TBC1D15: variants seen among roughly 807,000 people sequenced by gnomAD.
The protein encoded by TBC1D15 is GAP for RAB7.
Under a neutral mutation model 95.4 loss-of-function variants are expected in TBC1D15, and 39 were observed. The observed-to-expected ratio is 0.41, with a 90% CI of 0.32 to 0.53. The LOEUF is 0.53. Ranked by LOEUF, TBC1D15 falls within the 20% of genes least tolerant of loss-of-function variation. TBC1D15 has a pLI of 0.29. For missense variants in TBC1D15, 733 were observed against 794.3 expected (o/e 0.92, Z 0.93); for synonymous variants, 258 against 261.3 (o/e 0.99, Z 0.12).
At chr12:71,867,512 A>C (rs1422386706) in intron 1 of TBC1D15, among the ~76,000 whole-genome samples, 2 of 152,206 alleles carry the variant, frequency 1.3e-5, no homozygotes, top group Non-Finnish European at 2.9e-5. Flanking sequence ...TACTTTGGAA[A>C]CAAGGTGCTA....
intron 1 of TBC1D15, among the ~76,000 whole-genome samples, chr12:71,866,343 G>T (rs1891503198): frequency 1.3e-5 from 2 of 152,230 alleles, no homozygotes; most frequent in Admixed American, 1.3e-4. Flanking sequence ...TTAGACTCGA[G>T]GCAGCTCCCT....
At chr12:71,875,728 T>A (rs1893667253) in intron 3 of TBC1D15, among the ~76,000 whole-genome samples, 1 of 152,076 alleles carries the variant, frequency 6.6e-6, no homozygotes, top group Non-Finnish European at 1.5e-5. Flanking sequence ...TCTAATTCTG[T>A]TATGTTTTTG....
intron 1 of TBC1D15, chr12:71,849,695 C>T: frequency 1.8e-6 from 1 of 553,260 alleles, no homozygotes; most frequent in South Asian, 1.7e-5. Context: ...CATGGTCAGT[C>T]CCAGTACTGC....
rs1025770060 is a variant in TBC1D15, at chr12:71,921,362, T to A, written c.1717-6T>A. 6.5e-7 allele frequency: 1 copy of A among 1,534,544 alleles called. No homozygotes were observed. The highest frequency in any genetic ancestry group is 8.9e-7 in the Non-Finnish European group (1 of 1,128,686). On this transcript the variant is annotated splice_polypyrimidine_tract_variant and splice_region_variant and intron_variant, in intron 15 of 16. Coordinates refer to ENST00000485960, the MANE Select transcript of TBC1D15 (RefSeq NM_001146213.3). ...GATATCATTTTATTTTGTTGATACT[T>A]TTTAGCATATCAATGAATTGTCCAT...
chr12:71,865,177 G>A (rs558128778), intron 1 of TBC1D15, among the ~76,000 whole-genome samples: 24 of 152,282 alleles, frequency 1.6e-4, no homozygotes, highest in Admixed American at 8.5e-4. Context: ...AACCTATTTT[G>A]TCATCTGGGT....
intron 3 of TBC1D15, 76 bp downstream of exon 3, chr12:71,873,079 A>G (rs375545364): frequency 1.0e-6 from 1 of 993,116 alleles, no homozygotes. Context: ...TAATTCACAT[A>G]CCATAAAATG....
At chr12:71,899,754 G>A (rs780274291) in intron 10 of TBC1D15, among the ~76,000 whole-genome samples, 1 of 152,090 alleles carries the variant, frequency 6.6e-6, no homozygotes, top group Non-Finnish European at 1.5e-5. Flanking sequence ...AGACCAGTTA[G>A]TGGAAAGCAT....
intron 14 of TBC1D15, 70 bp from the exon 15 acceptor site, chr12:71,920,661 G>A: frequency 1.7e-6 from 2 of 1,191,016 alleles, no homozygotes; most frequent in Non-Finnish European, 2.5e-6. Context: ...TCAGTGTTCA[G>A]AATTGTATCT....
At chr12:71,873,131 T>C (rs1248341956) in intron 3 of TBC1D15, 128 bp downstream of exon 3, 1 of 616,140 alleles carries the variant, frequency 1.6e-6, no homozygotes, top group Non-Finnish European at 2.7e-6. Context: ...TTAGCATATT[T>C]ACAGAGTTGT....
At chr12:71,862,190 C>T (rs1890530602) in intron 1 of TBC1D15, among the ~76,000 whole-genome samples, 1 of 151,986 alleles carries the variant, frequency 6.6e-6, no homozygotes, top group South Asian at 2.1e-4. Flanking sequence ...CTGTTAGATT[C>T]ATTTGGTCTA....
chr12:71,858,024 A>AT (rs1889494361), intron 1 of TBC1D15, among the ~76,000 whole-genome samples: 1 of 151,550 alleles, frequency 6.6e-6, no homozygotes, highest in Non-Finnish European at 1.5e-5. Context: ...GATTTTTTTC[A>AT]TTTTTATGGC....
In TBC1D15 at chr12:71,923,091, A is replaced by G. The variant is rs758689458; in HGVS notation, c.1912A>G (p.Thr638Ala). Residue 638 changes from threonine to alanine, a missense_variant, in exon 17 of 17, where the codon ACA becomes GCA. Transcript: ENST00000485960. ...AAATGTTGTCATGACTCCTTGTCCT[A>G]CATCTGCATTTCAAAGTAATGCCTT... ...DENVVMTPCP[T>A]SAFQSNALPT... The G allele has an allele frequency of 3.7e-6, 6 of 1,614,092 alleles. No homozygotes were observed. The highest frequency in any genetic ancestry group is 2.7e-5 in the African/African-American group (2 of 74,934).
At chr12:71,843,934 T>G (rs1885685594) in intron 1 of TBC1D15, among the ~76,000 whole-genome samples, 1 of 152,214 alleles carries the variant, frequency 6.6e-6, no homozygotes, top group Non-Finnish European at 1.5e-5. Context: ...TTGTGCATTT[T>G]TTTTAGTTCC....
intron 12 of TBC1D15, among the ~76,000 whole-genome samples, chr12:71,915,962 G>T (rs1448511848): frequency 6.6e-6 from 1 of 152,086 alleles, no homozygotes; most frequent in Non-Finnish European, 1.5e-5. Context: ...CTTCATGTAA[G>T]TTTGTACTAC....
At chr12:71,897,183 A>G (rs1898360497) in intron 9 of TBC1D15, 1 of 155,574 alleles carries the variant, frequency 6.4e-6, no homozygotes, top group Non-Finnish European at 1.4e-5. Flanking sequence ...CCTTTAAGTT[A>G]CTTTTCTGAT....
At chr12:71,907,195 A>T in intron 11 of TBC1D15, 57 bp downstream of exon 11, 1 of 1,106,936 alleles carries the variant, frequency 9.0e-7, no homozygotes, top group Admixed American at 2.5e-5. Flanking sequence ...TTTAGAGTTT[A>T]CATTTTTAAT....
At chr12:71,874,118 C>T (rs541254151) in intron 3 of TBC1D15, among the ~76,000 whole-genome samples, 80 of 152,218 alleles carry the variant, frequency 5.3e-4, no homozygotes, top group African/African-American at 1.9e-3. Flanking sequence ...GTGTTAAGAC[C>T]CTATTTCCAT....
chr12:71,846,376 T>C (rs546113835), intron 1 of TBC1D15, among the ~76,000 whole-genome samples: 1 of 152,352 alleles, frequency 6.6e-6, no homozygotes, highest in East Asian at 1.9e-4. Context: ...GTAGTATTTT[T>C]ACACTTAGAA....
chr12:71,874,138 G>A (rs1893265787), intron 3 of TBC1D15, among the ~76,000 whole-genome samples: 1 of 152,186 alleles, frequency 6.6e-6, no homozygotes, highest in African/African-American at 2.4e-5. Context: ...TTAGGTTGGT[G>A]CAAAGGTAAT....
Sources: gnomAD v4.1 joint callset for allele counts (sites outside exome capture counted in the v4.1 genomes callset) on GRCh38, gnomAD v4.1.1 for gene constraint, MANE v1.5 for transcripts, NCBI Gene and HGNC (gene_info 2026-07-23, HGNC 2026-07-21) for gene names.